Variants in MAML3 observed in about 807,000 individuals in gnomAD.
MAML3 encodes mastermind-like protein 3.
A neutral mutation model predicts 101.9 loss-of-function variants in MAML3; 27 were observed. The observed-to-expected ratio is 0.27, with a 90% confidence interval of 0.20 to 0.37. The LOEUF (loss-of-function observed/expected upper bound fraction) is 0.37, where lower values mean the gene tolerates loss of function less well. Ranked by LOEUF, MAML3 falls within the 10% of genes least tolerant of loss-of-function variation. The probability of loss-of-function intolerance (pLI) is 1.00; values close to 1 mark genes in which losing one functional copy is unlikely to be tolerated. For missense variants in MAML3, 1,316 were observed against 1,444.9 expected, an observed-to-expected ratio of 0.91 and a Z score of 1.45; for synonymous variants, 501 against 555.9, an observed-to-expected ratio of 0.90 and a Z score of 1.39.
Position 139,854,873 on chromosome 4 carries a change from G to A in MAML3, c.2079+34484C>T, listed in dbSNP as rs74328544. Among the ~76,000 whole-genome samples, 838 of 152,248 alleles carry A rather than the reference G, an allele frequency of 5.5e-3. 8 individuals are homozygous for A. The highest frequency in any genetic ancestry group is 0.02 in the African/African-American group (812 of 41,496). ...TGCAAGGATATCCTGCTGTGCTGAT[G>A]GCCCCAGCCTGGTTGTGGAATCTGA... On this transcript the variant is annotated intron_variant, in intron 2 of 4. Transcript: ENST00000509479.
At chr4:140,005,530 A>C (rs1255911392) in intron 1 of MAML3, among the ~76,000 whole-genome samples, 1 of 152,214 alleles carries the variant, frequency 6.6e-6, no homozygotes, top group Admixed American at 6.5e-5. Flanking sequence ...TGCTCTTTTA[A>C]ATAACAACAG....
chr4:139,782,905 T>C (rs1730242245), intron 2 of MAML3, among the ~76,000 whole-genome samples: 1 of 152,140 alleles, frequency 6.6e-6, no homozygotes, highest in South Asian at 2.1e-4. Flanking sequence ...ATTTGCAACA[T>C]TCAAAGTAGA....
intron 2 of MAML3, among the ~76,000 whole-genome samples, chr4:139,842,563 G>A (rs1731379859): frequency 6.6e-6 from 1 of 151,896 alleles, no homozygotes; most frequent in Non-Finnish European, 1.5e-5. Context: ...CTGCCACCCA[G>A]GCTGGAGTGC....
intron 2 of MAML3, among the ~76,000 whole-genome samples, chr4:139,766,921 C>G (rs1181120966): frequency 1.3e-5 from 2 of 152,200 alleles, no homozygotes; most frequent in African/African-American, 4.8e-5. Context: ...GCTAGTTGCC[C>G]TCTGTATTTT....
intron 2 of MAML3, among the ~76,000 whole-genome samples, chr4:139,762,265 A>T (rs576369639): frequency 1.2e-4 from 19 of 152,304 alleles, no homozygotes; most frequent in Non-Finnish European, 2.1e-4. Flanking sequence ...ACAATAGGTG[A>T]CTAAAAAGGA....
intron 1 of MAML3, among the ~76,000 whole-genome samples, chr4:140,003,697 T>A (rs543552975): frequency 6.6e-6 from 1 of 152,240 alleles, no homozygotes; most frequent in Non-Finnish European, 1.5e-5. Flanking sequence ...GATACTAACA[T>A]GTGCCTCTGA....
At chr4:140,058,399 T>C (rs968966011) in intron 1 of MAML3, among the ~76,000 whole-genome samples, 2 of 152,078 alleles carry the variant, frequency 1.3e-5, no homozygotes, top group Admixed American at 6.6e-5. Flanking sequence ...GCCCCAAGTT[T>C]AGAGTATTTT....
chr4:139,764,490 A>G lies in MAML3; in HGVS notation c.2080-33823T>C, dbSNP rs546975371. On this transcript the variant is annotated intron_variant, in intron 2 of 4. Transcript: ENST00000509479. ...CCACTGAACTTTCATTCTGTGACCGAGGACATTGTCTCATCTTTCCAAGTC... is the reference window on the plus strand; with the variant it reads ...CCACTGAACTTTCATTCTGTGACCGGGGACATTGTCTCATCTTTCCAAGTC... Among the ~76,000 whole-genome samples, 8 of 152,198 alleles carry G rather than the reference A, an allele frequency of 5.3e-5. No homozygotes were observed. The East Asian group carries it at 1.5e-3, about 29-fold the overall frequency.
chr4:140,062,715 G>C (rs985706571), intron 1 of MAML3, among the ~76,000 whole-genome samples: 1 of 152,174 alleles, frequency 6.6e-6, no homozygotes, highest in Non-Finnish European at 1.5e-5. Context: ...CAAATAGGTA[G>C]GATGAAATGA....
intron 1 of MAML3, among the ~76,000 whole-genome samples, chr4:139,898,471 G>A (rs1732654557): frequency 6.6e-6 from 1 of 152,188 alleles, no homozygotes; most frequent in African/African-American, 2.4e-5. Context: ...CCCAAACGCT[G>A]CTTATTTTCA....
intron 2 of MAML3, among the ~76,000 whole-genome samples, chr4:139,761,105 C>T (rs1468864734): frequency 6.6e-5 from 10 of 152,118 alleles, no homozygotes; most frequent in African/African-American, 2.4e-4. Context: ...ATTACAGGCA[C>T]GCATCACCAC....
At chr4:139,954,110 T>C (rs1268164286) in intron 1 of MAML3, among the ~76,000 whole-genome samples, 1 of 152,220 alleles carries the variant, frequency 6.6e-6, no homozygotes, top group East Asian at 1.9e-4. Flanking sequence ...CCTGTTCTCA[T>C]TTGTCCATGT....
intron 1 of MAML3, among the ~76,000 whole-genome samples, chr4:140,151,146 C>T (rs1377571094): frequency 6.6e-6 from 1 of 151,972 alleles, no homozygotes; most frequent in Non-Finnish European, 1.5e-5. Flanking sequence ...CCCTCCCCCA[C>T]GGCCACGTTC....
chr4:139,846,162 T>C (rs1731442657), intron 2 of MAML3, among the ~76,000 whole-genome samples: 2 of 152,200 alleles, frequency 1.3e-5, no homozygotes, highest in African/African-American at 2.4e-5. Flanking sequence ...ACCTACAGAT[T>C]GCCAGAAGCC....
chr4:139,815,195 T>A (rs144904366), intron 2 of MAML3, among the ~76,000 whole-genome samples: 5 of 152,194 alleles, frequency 3.3e-5, no homozygotes, highest in African/African-American at 1.2e-4. Flanking sequence ...CCACTTAGTA[T>A]CCATAACATG....
At chr4:140,046,409 G>T (rs546208523) in intron 1 of MAML3, among the ~76,000 whole-genome samples, 9 of 152,080 alleles carry the variant, frequency 5.9e-5, no homozygotes, top group Non-Finnish European at 1.3e-4. Context: ...AAGATTTGGG[G>T]GTTCTTTGTT....
intron 2 of MAML3, among the ~76,000 whole-genome samples, chr4:139,762,923 C>T (rs949316201): frequency 4.6e-5 from 7 of 152,210 alleles, no homozygotes; most frequent in East Asian, 3.9e-4. Context: ...GTGCATATTT[C>T]GTGTCTATGT....
intron 2 of MAML3, among the ~76,000 whole-genome samples, chr4:139,746,901 G>T (rs984638075): frequency 6.6e-6 from 1 of 152,168 alleles, no homozygotes; most frequent in African/African-American, 2.4e-5. Flanking sequence ...GTGGGAGGGG[G>T]TTGCTGGCGT....
intron 1 of MAML3, among the ~76,000 whole-genome samples, chr4:139,977,596 G>T (rs1463699517): frequency 6.6e-6 from 1 of 152,168 alleles, no homozygotes; most frequent in Non-Finnish European, 1.5e-5. Flanking sequence ...GTTCTGGCCA[G>T]GCGCGGTAGC....
Sources: gnomAD v4.1 joint callset for allele counts (sites outside exome capture counted in the v4.1 genomes callset) on GRCh38, gnomAD v4.1.1 for gene constraint, MANE v1.5 for transcripts, NCBI Gene and HGNC (gene_info 2026-07-23, HGNC 2026-07-21) for gene names.